Variants in RBMS3 observed in about 807,000 individuals in gnomAD.
RBMS3 encodes the protein RNA-binding motif, single-stranded-interacting protein 3.
Under a neutral mutation model 66.8 loss-of-function variants are expected in RBMS3, and 27 were observed. That is an observed-to-expected ratio of 0.40 (90% CI 0.30 to 0.56). The LOEUF (loss-of-function observed/expected upper bound fraction) is 0.56, where lower values mean the gene tolerates loss of function less well. RBMS3 is among the 20% of genes least tolerant of loss of function. The pLI is 0.40. For synonymous variants in RBMS3, 188 were observed against 183.0 expected (o/e 1.03, Z -0.22); for missense variants, 513 against 549.5 (o/e 0.93, Z 0.66).
chr3:29,977,078 C>G (rs1347922710), intron 12 of RBMS3, among the ~76,000 whole-genome samples: 1 of 152,070 alleles, frequency 6.6e-6, no homozygotes, highest in Non-Finnish European at 1.5e-5. Context: ...TTTACAACTT[C>G]CCTCTATTGT....
At chr3:29,514,301 C>T (rs1226194872) in intron 3 of RBMS3, among the ~76,000 whole-genome samples, 1 of 152,078 alleles carries the variant, frequency 6.6e-6, no homozygotes, top group Non-Finnish European at 1.5e-5. Context: ...TGCTCTCTCA[C>T]CATGTTTGGC....
chr3:29,502,816 T>C (rs779778938), intron 3 of RBMS3, among the ~76,000 whole-genome samples: 26 of 152,152 alleles, frequency 1.7e-4, no homozygotes, highest in Non-Finnish European at 3.7e-4. Context: ...AGAATTATTG[T>C]GGTAGAAAGA....
At chr3:29,284,031 T>G (rs1371199759) in intron 1 of RBMS3, among the ~76,000 whole-genome samples, 2 of 152,136 alleles carry the variant, frequency 1.3e-5, no homozygotes, top group Non-Finnish European at 2.9e-5. Context: ...ACTGGGTTAT[T>G]TCCACATCAC....
intron 10 of RBMS3, among the ~76,000 whole-genome samples, chr3:29,922,571 T>C (rs968680980): frequency 2.0e-5 from 3 of 152,064 alleles, no homozygotes; most frequent in African/African-American, 7.2e-5. Flanking sequence ...TATTCTTTAT[T>C]CTAAACACTG....
chr3:29,438,492 T>A (rs1372626894), intron 2 of RBMS3, among the ~76,000 whole-genome samples: 1 of 152,132 alleles, frequency 6.6e-6, no homozygotes, highest in Non-Finnish European at 1.5e-5. Flanking sequence ...TGAGAGCAAA[T>A]TCTTATTGAG....
chr3:29,913,479 A>G (rs2060567772), intron 10 of RBMS3, among the ~76,000 whole-genome samples: 1 of 152,024 alleles, frequency 6.6e-6, no homozygotes, highest in Non-Finnish European at 1.5e-5. Flanking sequence ...ACATAAGTAT[A>G]ATTTCATTGC....
intron 4 of RBMS3, among the ~76,000 whole-genome samples, chr3:29,702,128 G>T (rs1165237309): frequency 2.0e-5 from 3 of 151,924 alleles, no homozygotes; most frequent in Admixed American, 6.6e-5. Flanking sequence ...CTAGCTCAAG[G>T]TTTGTAAATG....
chr3:29,934,970 A>G (rs949907569), intron 10 of RBMS3, among the ~76,000 whole-genome samples: 2 of 152,136 alleles, frequency 1.3e-5, no homozygotes, highest in African/African-American at 2.4e-5. Flanking sequence ...ATCTACATGC[A>G]TCTGTCCAGT....
chr3:29,538,482 C>A (rs781743840), intron 3 of RBMS3, among the ~76,000 whole-genome samples: 4 of 152,182 alleles, frequency 2.6e-5, no homozygotes, highest in Admixed American at 1.3e-4. Flanking sequence ...CTTATTATAA[C>A]TGAGGAAGTC....
chr3:29,488,641 G>C (rs1398753182), intron 3 of RBMS3, 142 bp downstream of exon 3: 3 of 591,296 alleles, frequency 5.1e-6, no homozygotes, highest in Admixed American at 3.8e-5. Context: ...CCAATGTTTT[G>C]ATAAGTTGTA....
At chr3:29,731,892 C>G (rs566490614) in intron 4 of RBMS3, among the ~76,000 whole-genome samples, 1 of 151,740 alleles carries the variant, frequency 6.6e-6, no homozygotes, top group South Asian at 2.1e-4. Flanking sequence ...GTCCATCTCC[C>G]TCTCTTCCTC....
At chr3:29,417,884 AT>A (rs1275998114) in intron 1 of RBMS3, among the ~76,000 whole-genome samples, 4 of 152,298 alleles carry the variant, frequency 2.6e-5, no homozygotes, top group African/African-American at 7.2e-5. Flanking sequence ...TCAATACTCT[AT>A]TATATTTTGG....
At chr3:29,569,976 A>AGTTGCATGT (rs56139511) in intron 3 of RBMS3, among the ~76,000 whole-genome samples, 136,421 of 151,700 alleles carry the variant, frequency 0.9, 61,618 homozygotes, top group East Asian at 1. Flanking sequence ...CAAGAAAAGC[A>AGTTGCATGT]GTTGCTTAGG....
intron 6 of RBMS3, among the ~76,000 whole-genome samples, chr3:29,781,116 TC>T (rs2056617504): frequency 1.3e-5 from 1 of 78,980 alleles, no homozygotes; most frequent in Admixed American, 1.4e-4. Flanking sequence ...CCCTCCCCCC[TC>T]CCCCGAGAAT....
At chr3:29,750,610 T>C (rs2055131631) in intron 5 of RBMS3, among the ~76,000 whole-genome samples, 1 of 152,152 alleles carries the variant, frequency 6.6e-6, no homozygotes, top group African/African-American at 2.4e-5. Flanking sequence ...TAGGTAAACT[T>C]GTGTCATGGG....
At chr3:29,307,277 G>A (rs1291898903) in intron 1 of RBMS3, among the ~76,000 whole-genome samples, 1 of 151,918 alleles carries the variant, frequency 6.6e-6, no homozygotes, top group Non-Finnish European at 1.5e-5. Context: ...TTGAGGGTTG[G>A]AGGAAGATCC....
chr3:29,962,585 C>T (rs149616807), intron 12 of RBMS3, among the ~76,000 whole-genome samples: 37 of 133,972 alleles, frequency 2.8e-4, no homozygotes, highest in African/African-American at 1.2e-3. Flanking sequence ...TACCAACAAG[C>T]CCTGCATCCC....
intron 1 of RBMS3, among the ~76,000 whole-genome samples, chr3:29,287,941 G>A (rs552909280): frequency 6.6e-6 from 1 of 151,836 alleles, no homozygotes; most frequent in East Asian, 1.9e-4. Flanking sequence ...GTTGATATTG[G>A]CAGATAATCT....
At chr3:29,714,971 G>C (rs17024259) in intron 4 of RBMS3, among the ~76,000 whole-genome samples, 6,018 of 152,156 alleles carry the variant, frequency 0.04, 144 homozygotes, top group Admixed American at 0.073. Flanking sequence ...AGGGGATCTT[G>C]TGTAGTTTCA....
Sources: gnomAD v4.1 joint callset for allele counts (sites outside exome capture counted in the v4.1 genomes callset) on GRCh38, gnomAD v4.1.1 for gene constraint, MANE v1.5 for transcripts, NCBI Gene and HGNC (gene_info 2026-07-23, HGNC 2026-07-21) for gene names.